The following CADM2 variants were observed in gnomAD, a reference collection of about 807,000 sequenced individuals.
CADM2 encodes cell adhesion molecule 2.
CADM2 carries 12 observed loss-of-function variants against 49.8 expected under a neutral mutation model. That is an observed-to-expected ratio of 0.24 (90% CI 0.15 to 0.39). The LOEUF (loss-of-function observed/expected upper bound fraction) is 0.39, where lower values mean the gene tolerates loss of function less well. CADM2 is among the 10% of genes least tolerant of loss of function. The probability of loss-of-function intolerance (pLI) is 1.00; values close to 1 mark genes in which losing one functional copy is unlikely to be tolerated. For missense variants in CADM2, 378 were observed against 492.3 expected, an observed-to-expected ratio of 0.77 and a Z score of 2.20; for synonymous variants, 214 against 175.4, an observed-to-expected ratio of 1.22 and a Z score of -1.74.
intron 1 of CADM2, among the ~76,000 whole-genome samples, chr3:85,245,960 A>G (rs111726385): frequency 4.6e-5 from 7 of 152,192 alleles, no homozygotes; most frequent in African/African-American, 9.6e-5. Flanking sequence ...ACTAAAAACT[A>G]TATTTGTCTG....
chr3:85,014,038 T>C (rs2034131987), intron 1 of CADM2, among the ~76,000 whole-genome samples: 1 of 143,614 alleles, frequency 7.0e-6, no homozygotes, highest in Non-Finnish European at 1.5e-5. Context: ...GTAATAATAT[T>C]GTATATTATA....
At chr3:85,513,883 A>T (rs921848010) in intron 1 of CADM2, among the ~76,000 whole-genome samples, 2 of 152,072 alleles carry the variant, frequency 1.3e-5, no homozygotes, top group Non-Finnish European at 2.9e-5. Context: ...TATTCAACAT[A>T]CAATTTGACT....
chr3:85,815,409 G>A (rs1182479971), intron 3 of CADM2, among the ~76,000 whole-genome samples: 1 of 152,126 alleles, frequency 6.6e-6, no homozygotes, highest in Non-Finnish European at 1.5e-5. Context: ...GATCAAGTCG[G>A]CTTCATACTT....
intron 3 of CADM2, among the ~76,000 whole-genome samples, chr3:85,859,533 A>G (rs1459671900): frequency 6.6e-6 from 1 of 152,060 alleles, no homozygotes; most frequent in Non-Finnish European, 1.5e-5. Context: ...TGCCTGGCCC[A>G]TCCTGTGCTT....
At chr3:85,288,788 C>CCCT (rs1553704678) in intron 1 of CADM2, among the ~76,000 whole-genome samples, 1 of 128,402 alleles carries the variant, frequency 7.8e-6, no homozygotes, top group Non-Finnish European at 1.7e-5. Context: ...CAATATGCCC[C>CCCT]CCCCCCCTCT....
chr3:84,966,745 G>T (rs2031024436), intron 1 of CADM2, among the ~76,000 whole-genome samples: 1 of 151,942 alleles, frequency 6.6e-6, no homozygotes, highest in Non-Finnish European at 1.5e-5. Flanking sequence ...CACAGTCATT[G>T]TTCAATTTTG....
intron 1 of CADM2, among the ~76,000 whole-genome samples, chr3:85,078,426 A>T (rs1187731061): frequency 6.6e-6 from 1 of 151,956 alleles, no homozygotes; most frequent in Non-Finnish European, 1.5e-5. Flanking sequence ...CAAAGCAAAT[A>T]TATTTAATTT....
chr3:85,777,101 C>A lies in CADM2; in HGVS notation c.89-24946C>A, dbSNP rs188732840. On this transcript the variant is annotated intron_variant, in intron 2 of 9. Coordinates refer to ENST00000383699, the MANE Select transcript of CADM2 (RefSeq NM_001167675.2). Reference sequence around the variant, plus strand: ...ATGTACATAAATATGCATAGTATTTCTTTCTCTTACTTTCATCTACTTATG... The same window carrying A: ...ATGTACATAAATATGCATAGTATTTATTTCTCTTACTTTCATCTACTTATG... Among the ~76,000 whole-genome samples the A allele has an allele frequency of 1.1e-3, 174 of 151,984 alleles. 1 individual carries two copies. The highest frequency in any genetic ancestry group is 1.8e-3 in the Admixed American group (28 of 15,250).
intron 3 of CADM2, among the ~76,000 whole-genome samples, chr3:85,882,951 T>C (rs1713031803): frequency 1.3e-5 from 2 of 152,226 alleles, no homozygotes; most frequent in Admixed American, 1.3e-4. Context: ...ATTTTGTTTA[T>C]AGCTTTTCTT....
chr3:85,032,226 T>TG (rs1050430860), intron 1 of CADM2, among the ~76,000 whole-genome samples: 3 of 151,804 alleles, frequency 2.0e-5, no homozygotes, highest in African/African-American at 7.3e-5. Flanking sequence ...TTTTTTTTTT[T>TG]TATCTTGAGT....
chr3:85,080,590 G>T (rs1218529348), intron 1 of CADM2, among the ~76,000 whole-genome samples: 1 of 151,820 alleles, frequency 6.6e-6, no homozygotes, highest in Non-Finnish European at 1.5e-5. Context: ...CTTTCTCAAT[G>T]GATATAATAT....
chr3:85,956,369 A>C (rs1559765088), intron 7 of CADM2, among the ~76,000 whole-genome samples: 1 of 151,722 alleles, frequency 6.6e-6, no homozygotes, highest in Non-Finnish European at 1.5e-5. Flanking sequence ...AAATTGTATC[A>C]AGACTTGCTA....
chr3:85,694,631 C>A (rs1049362574), intron 1 of CADM2, among the ~76,000 whole-genome samples: 1 of 152,136 alleles, frequency 6.6e-6, no homozygotes, highest in Admixed American at 6.5e-5. Flanking sequence ...AATATTTATT[C>A]ATACTTTTCT....
chr3:85,668,295 C>CAAAAAAAAAAAAAAAAAAAAACAAA (rs11447925), intron 1 of CADM2, among the ~76,000 whole-genome samples: 1 of 81,770 alleles, frequency 1.2e-5, no homozygotes, highest in Non-Finnish European at 2.5e-5. Flanking sequence ...AGTACCAAAG[C>CAAAAAAAAAAAAAAAAAAAAACAAA]AAAAAAAAAA....
At chr3:86,024,145 G>C (rs1733570619) in intron 8 of CADM2, among the ~76,000 whole-genome samples, 1 of 152,152 alleles carries the variant, frequency 6.6e-6, no homozygotes, top group Non-Finnish European at 1.5e-5. Flanking sequence ...GCTTCAGTGA[G>C]ATGTAGCCAT....
At chr3:85,523,127 A>G (rs1212083280) in intron 1 of CADM2, among the ~76,000 whole-genome samples, 3 of 152,158 alleles carry the variant, frequency 2.0e-5, no homozygotes, top group Non-Finnish European at 4.4e-5. Flanking sequence ...CTTGAAGGTA[A>G]CACAAGGCTT....
intron 6 of CADM2, among the ~76,000 whole-genome samples, chr3:85,916,046 TAA>T (rs1477610973): frequency 6.6e-6 from 1 of 152,198 alleles, no homozygotes; most frequent in East Asian, 1.9e-4. Flanking sequence ...TTAACTGTGT[TAA>T]GTCTGTAACC....
chr3:85,722,044 G>A (rs2067522317), intron 1 of CADM2, among the ~76,000 whole-genome samples: 1 of 152,020 alleles, frequency 6.6e-6, no homozygotes, highest in African/African-American at 2.4e-5. Context: ...TCTCAGCAAG[G>A]AAGAGGCTCT....
At chr3:85,273,772 A>G (rs2043298297) in intron 1 of CADM2, among the ~76,000 whole-genome samples, 1 of 150,442 alleles carries the variant, frequency 6.6e-6, no homozygotes, top group South Asian at 2.1e-4. Flanking sequence ...TAAGCTCAGA[A>G]AAGAAGCACA....
Sources: allele counts gnomAD v4.1 joint callset (sites outside exome capture counted in the v4.1 genomes callset), GRCh38; gene constraint gnomAD v4.1.1; transcripts MANE v1.5; gene names NCBI Gene and HGNC (gene_info 2026-07-23, HGNC 2026-07-21).